Variants in PDE1A observed in about 807,000 individuals in gnomAD.
PDE1A encodes phosphodiesterase 1A.
In PDE1A, 35 loss-of-function variants were observed where a neutral mutation model predicts 61.7. That is an observed-to-expected ratio of 0.57 (90% CI 0.43 to 0.75). PDE1A has a LOEUF of 0.75. PDE1A is among the 30% of genes least tolerant of loss of function. PDE1A has a pLI of 0.00. For synonymous variants in PDE1A, 232 were observed against 213.2 expected (o/e 1.09, Z -0.77); for missense variants, 597 against 630.6 (o/e 0.95, Z 0.57).
At chr2:182,442,384 T>A (rs1684851036) in intron 2 of PDE1A, among the ~76,000 whole-genome samples, 1 of 151,996 alleles carries the variant, frequency 6.6e-6, no homozygotes, top group African/African-American at 2.4e-5. Flanking sequence ...ATGCAATGTA[T>A]CATCTTAGAT....
the PDE1A span, among the ~76,000 whole-genome samples, chr2:182,698,490 C>A: frequency 6.6e-6 from 1 of 151,982 alleles, no homozygotes; most frequent in Non-Finnish European, 1.5e-5. Context: ...TATGCTAACT[C>A]CATCAGTAAA....
chr2:182,679,194 T>TTA, the PDE1A span, among the ~76,000 whole-genome samples: 72 of 146,760 alleles, frequency 4.9e-4, no homozygotes, highest in Middle Eastern at 3.5e-3. Flanking sequence ...TATTATTATT[T>TTA]TTTTTTTGAC....
intron 1 of PDE1A, among the ~76,000 whole-genome samples, chr2:182,294,717 C>T (rs181163834): frequency 6.6e-6 from 1 of 152,182 alleles, no homozygotes; most frequent in East Asian, 1.9e-4. Flanking sequence ...TAGCCTGGCA[C>T]AAAAGTTAAG....
In PDE1A at chr2:182,211,923, G is replaced by C. The variant is rs559011517; in HGVS notation, c.777-5858C>G. Among the ~76,000 whole-genome samples, 516 of 152,078 alleles carry C rather than the reference G, an allele frequency of 3.4e-3. 2 individuals are homozygous for C. Among genetic ancestry groups the C allele is most frequent in the African/African-American group, 0.012 (502 of 41,486 alleles). On this transcript the variant is annotated intron_variant, in intron 7 of 13. Coordinates refer to ENST00000351439, the Ensembl canonical transcript of PDE1A. Reference sequence around the variant, plus strand: ...TCAATTCTTCCAGATTTTCTACATGGACAATCATATCATCTGCAAACAAAG... The same window carrying C: ...TCAATTCTTCCAGATTTTCTACATGCACAATCATATCATCTGCAAACAAAG...
intron 1 of PDE1A, among the ~76,000 whole-genome samples, chr2:182,425,651 T>C (rs1401139277): frequency 2.0e-5 from 3 of 152,192 alleles, no homozygotes; most frequent in African/African-American, 7.2e-5. Context: ...TCATTCATTA[T>C]GTAGAAACCA....
chr2:182,712,834 G>C, the PDE1A span, among the ~76,000 whole-genome samples: 1 of 152,140 alleles, frequency 6.6e-6, no homozygotes, highest in East Asian at 1.9e-4. Flanking sequence ...GGGATTACAG[G>C]TATGAGCCAC....
At chr2:182,268,315 AATGATTAT>A (rs1692777968) in intron 1 of PDE1A, among the ~76,000 whole-genome samples, 1 of 152,054 alleles carries the variant, frequency 6.6e-6, no homozygotes, top group Admixed American at 6.6e-5. Context: ...CAGTTAGATA[AATGATTAT>A]TGGGTATCTA....
intron 13 of PDE1A, among the ~76,000 whole-genome samples, chr2:182,180,754 T>G (rs570325106): frequency 6.6e-6 from 1 of 151,996 alleles, no homozygotes; most frequent in African/African-American, 2.4e-5. Flanking sequence ...CTTCACATAG[T>G]CCCACATTTC....
intron 1 of PDE1A, chr2:182,522,502 T>C (rs1690631845): frequency 1.3e-6 from 2 of 1,504,660 alleles, no homozygotes; most frequent in South Asian, 1.3e-5. Flanking sequence ...AGTGCTGATG[T>C]ACAAAGCTGA....
chr2:182,291,902 A>G (rs1156792239), intron 1 of PDE1A, among the ~76,000 whole-genome samples: 1 of 152,120 alleles, frequency 6.6e-6, no homozygotes, highest in Non-Finnish European at 1.5e-5. Flanking sequence ...TGGAGAATAA[A>G]TATATTCATT....
intron 10 of PDE1A, among the ~76,000 whole-genome samples, chr2:182,200,028 T>C (rs1342692895): frequency 6.6e-6 from 1 of 151,914 alleles, no homozygotes; most frequent in Non-Finnish European, 1.5e-5. Flanking sequence ...AGTAATATAT[T>C]TGGTGTTTAT....
intron 10 of PDE1A, among the ~76,000 whole-genome samples, chr2:182,196,915 T>C (rs1004838647): frequency 6.6e-6 from 1 of 151,810 alleles, no homozygotes; most frequent in Non-Finnish European, 1.5e-5. Flanking sequence ...TGGGCATAAA[T>C]ACTCATTTAT....
intron 1 of PDE1A, among the ~76,000 whole-genome samples, chr2:182,362,821 C>T (rs1269687771): frequency 6.6e-6 from 1 of 151,958 alleles, no homozygotes; most frequent in Non-Finnish European, 1.5e-5. Flanking sequence ...AACCTAAATG[C>T]CCATCAATGA....
At chr2:182,563,677 T>A in the PDE1A span, among the ~76,000 whole-genome samples, 77 of 152,256 alleles carry the variant, frequency 5.1e-4, 1 homozygote, top group South Asian at 0.011. Flanking sequence ...CCCATTATTA[T>A]TGTGTGGGAG....
chr2:182,710,305 C>T, the PDE1A span, among the ~76,000 whole-genome samples: 1 of 152,170 alleles, frequency 6.6e-6, no homozygotes, highest in African/African-American at 2.4e-5. Flanking sequence ...CTGATTACCA[C>T]AGTTGAATGA....
intron 1 of PDE1A, among the ~76,000 whole-genome samples, chr2:182,333,749 T>C (rs1184177341): frequency 2.0e-5 from 3 of 151,888 alleles, no homozygotes; most frequent in Admixed American, 6.6e-5. Context: ...CTAAAGGAGA[T>C]AGAGACACGA....
At chr2:182,174,920 G>T (rs1376237241) in intron 13 of PDE1A, among the ~76,000 whole-genome samples, 1 of 151,954 alleles carries the variant, frequency 6.6e-6, no homozygotes, top group Non-Finnish European at 1.5e-5. Context: ...ACAGGCCCTG[G>T]TGTATGATGT....
the PDE1A span, among the ~76,000 whole-genome samples, chr2:182,531,319 G>T: frequency 6.6e-6 from 1 of 150,862 alleles, no homozygotes; most frequent in Non-Finnish European, 1.5e-5. Flanking sequence ...CTAAATGCTG[G>T]TCTATAAGAA....
chr2:182,648,511 CAAAAAAAA>C, the PDE1A span, among the ~76,000 whole-genome samples: 22 of 76,210 alleles, frequency 2.9e-4, no homozygotes, highest in African/African-American at 1.0e-3. Context: ...CCTGTCCCCA[CAAAAAAAA>C]AAAAAAAAAA....
Sources: allele counts gnomAD v4.1 joint callset (sites outside exome capture counted in the v4.1 genomes callset), GRCh38; gene constraint gnomAD v4.1.1; transcripts MANE v1.5; gene names NCBI Gene and HGNC (gene_info 2026-07-23, HGNC 2026-07-21).